The following DENND2C variants were observed in gnomAD, a reference collection of about 807,000 sequenced individuals.
DENND2C encodes DENN domain-containing protein 2C.
In DENND2C, 72 loss-of-function variants were observed where a neutral mutation model predicts 112.4. That is an observed-to-expected ratio of 0.64 (90% CI 0.53 to 0.78). DENND2C has a LOEUF of 0.78. Among genes scored for constraint, DENND2C ranks in the 30% least tolerant of loss-of-function variants. DENND2C has a pLI of 0.00. For synonymous variants in DENND2C, 329 were observed against 381.6 expected (o/e 0.86, Z 1.61); for missense variants, 992 against 1,113.8 (o/e 0.89, Z 1.56).
chr1:114,588,917 C>T (rs1008996266), intron 18 of DENND2C, among the ~76,000 whole-genome samples: 2 of 152,078 alleles, frequency 1.3e-5, no homozygotes, highest in Non-Finnish European at 2.9e-5. Flanking sequence ...TCATACTGCA[C>T]TATAATTATT....
rs1036798211 is a variant in DENND2C at position 114,583,267 on chromosome 1, GTTCTGCTTCAGA to G, written c.*2321_*2332del. ...TTATACAGCACCAGTCTTAAATGGT[GTTCTGCTTCAGA>G]TTCATGCATACCTGAATGGGTTGTA... is the stretch of plus-strand genomic sequence containing the variant. On this transcript the variant is annotated 3_prime_UTR_variant, in exon 21 of 21. Transcript: ENST00000393274. 3 of 152,150 alleles carry G rather than the reference GTTCTGCTTCAGA, an allele frequency of 2.0e-5. No homozygotes were observed. The highest frequency in any genetic ancestry group is 1.9e-4 in the East Asian group (1 of 5,204). The allele number at this position is 152,150 out of a possible 1,614,324, so 9.4% of individuals were successfully genotyped here.
intron 18 of DENND2C, among the ~76,000 whole-genome samples, chr1:114,591,098 T>C (rs1375364843): frequency 6.6e-6 from 1 of 151,984 alleles, no homozygotes; most frequent in African/African-American, 2.4e-5. Flanking sequence ...TCCTGAGTAG[T>C]GAGACTACAG....
intron 3 of DENND2C, among the ~76,000 whole-genome samples, chr1:114,627,165 C>G (rs1305337656): frequency 1.3e-5 from 2 of 152,240 alleles, no homozygotes; most frequent in African/African-American, 4.8e-5. Context: ...CAAATACTTA[C>G]AGCCACTGTC....
intron 18 of DENND2C, among the ~76,000 whole-genome samples, chr1:114,589,903 CATT>C (rs1655138781): frequency 6.6e-6 from 1 of 152,054 alleles, no homozygotes; most frequent in African/African-American, 2.4e-5. Flanking sequence ...ACTCCAATGG[CATT>C]CTTCTTCTAC....
At chr1:114,595,441 C>T (rs1655317267) in intron 17 of DENND2C, 1 of 157,776 alleles carries the variant, frequency 6.3e-6, no homozygotes, top group African/African-American at 2.4e-5. Flanking sequence ...CGAGATTGCG[C>T]CACTGCACTC....
chr1:114,649,100 G>C (rs142744082), intron 2 of DENND2C, among the ~76,000 whole-genome samples: 1 of 150,618 alleles, frequency 6.6e-6, no homozygotes, highest in East Asian at 2.0e-4. Context: ...GATTACAGGC[G>C]CCTGCCACCA....
intron 3 of DENND2C, among the ~76,000 whole-genome samples, chr1:114,630,858 A>G (rs1013178396): frequency 3.3e-5 from 5 of 152,232 alleles, no homozygotes; most frequent in African/African-American, 1.2e-4. Flanking sequence ...GGAAACCTTC[A>G]AAGTCCAACA....
chr1:114,635,948 T>C (rs7544996), intron 3 of DENND2C, among the ~76,000 whole-genome samples: 73 of 151,652 alleles, frequency 4.8e-4, no homozygotes, highest in Middle Eastern at 3.4e-3. Context: ...GGAGGTTGCA[T>C]TGAGCCAAGA....
intron 6 of DENND2C, among the ~76,000 whole-genome samples, chr1:114,622,606 T>C (rs1167072239): frequency 6.6e-6 from 1 of 152,164 alleles, no homozygotes; most frequent in East Asian, 1.9e-4. Context: ...CAGAAAACAA[T>C]GGCTCACAGT....
chr1:114,585,903 T>TC (rs1248003668), intron 20 of DENND2C, among the ~76,000 whole-genome samples: 2 of 152,162 alleles, frequency 1.3e-5, no homozygotes, highest in African/African-American at 4.8e-5. Flanking sequence ...ACCTGGCTTC[T>TC]CCCCAGAGAT....
At chr1:114,601,130 G>C (rs1365474170) in intron 13 of DENND2C, among the ~76,000 whole-genome samples, 170 bp from the exon 14 acceptor site, 3 of 152,146 alleles carry the variant, frequency 2.0e-5, no homozygotes, top group African/African-American at 7.2e-5. Flanking sequence ...TATCTCTTGG[G>C]AGGTATCATT....
intron 3 of DENND2C, among the ~76,000 whole-genome samples, chr1:114,635,508 A>T (rs2101676231): frequency 6.6e-6 from 1 of 152,270 alleles, no homozygotes; most frequent in East Asian, 1.9e-4. Context: ...ACAGAGCAAG[A>T]CCGTCTCTTA....
chr1:114,620,115 C>G (rs1416548978), intron 7 of DENND2C, among the ~76,000 whole-genome samples: 1 of 152,094 alleles, frequency 6.6e-6, no homozygotes. Context: ...CCAGGGACAG[C>G]TGGAGGCATT....
At chr1:114,588,554 A>G (rs1260720000) in intron 18 of DENND2C, 1 of 152,520 alleles carries the variant, frequency 6.6e-6, no homozygotes, top group Non-Finnish European at 1.5e-5. Context: ...CATCTTCTAC[A>G]TTTTCAGGCT....
rs1167077754 is a variant in DENND2C, at chr1:114,623,576, GTTC to G, written c.871_873del (p.Glu291del). The G allele has an allele frequency of 6.2e-6, 10 of 1,609,684 alleles. No individual in the cohort carries two copies. The highest frequency in any genetic ancestry group is 8.5e-6 in the Non-Finnish European group (10 of 1,178,042). ...AGTGCTGACCCAGAATTTCTTCCAA[GTTC>G]TTCACGAATCGTCTGTGAGTTCCGA... On this transcript the variant is annotated inframe_deletion, in exon 5 of 21. Transcript: ENST00000393274.
At chr1:114,608,301 GC>G (rs1655715761) in intron 10 of DENND2C, among the ~76,000 whole-genome samples, 3 of 151,982 alleles carry the variant, frequency 2.0e-5, no homozygotes, top group Non-Finnish European at 4.4e-5. Flanking sequence ...AAAAGTAACT[GC>G]TTAAAGTCAC....
chr1:114,605,387 C>T (rs1020585752), intron 10 of DENND2C, among the ~76,000 whole-genome samples: 1 of 152,096 alleles, frequency 6.6e-6, no homozygotes, highest in Non-Finnish European at 1.5e-5. Flanking sequence ...TTTTATGAAC[C>T]GTGGGGTATA....
At position 114,670,008 on chromosome 1, in the gene DENND2C, T is replaced by TGTGGCCAAGCTAGTCTCCC; in HGVS notation, c.-618_-600dup. The TGTGGCCAAGCTAGTCTCCC allele has an allele frequency of 6.6e-6, 1 of 152,508 alleles. No homozygotes were observed. Among genetic ancestry groups the TGTGGCCAAGCTAGTCTCCC allele is most frequent in the East Asian group, 1.9e-4 (1 of 5,182 alleles). 9.4% of individuals were successfully genotyped at this position (152,508 alleles called of 1,614,324 possible). On this transcript the variant is annotated 5_prime_UTR_variant, in exon 1 of 21. Coordinates refer to ENST00000393274, the MANE Select transcript of DENND2C (RefSeq NM_001256404.2). Reference sequence around the variant, plus strand: ...CTGTCTGTACCTCAACGTTGTCTCCTGTGGCCAAGCTAGTCTCCCGGGTAT... The same window carrying TGTGGCCAAGCTAGTCTCCC: ...CTGTCTGTACCTCAACGTTGTCTCCTGTGGCCAAGCTAGTCTCCCGTGGCCAAGCTAGTCTCCCGGGTAT...
At chr1:114,624,947 A>G (rs561285293) in intron 4 of DENND2C, among the ~76,000 whole-genome samples, 1 of 152,254 alleles carries the variant, frequency 6.6e-6, no homozygotes, top group East Asian at 1.9e-4. Flanking sequence ...AAGATATATT[A>G]ATAAAATGGA....
Sources: gnomAD v4.1 joint callset for allele counts (sites outside exome capture counted in the v4.1 genomes callset) on GRCh38, gnomAD v4.1.1 for gene constraint, MANE v1.5 for transcripts, NCBI Gene and HGNC (gene_info 2026-07-23, HGNC 2026-07-21) for gene names.